UGT1A8: variants seen among roughly 807,000 people sequenced by gnomAD.
UGT1A8 encodes UDP-glucuronosyltransferase 1A8.
A neutral mutation model predicts 45.3 loss-of-function variants in UGT1A8; 39 were observed. The ratio of observed to expected loss-of-function variants is 0.86; its 90% confidence interval spans 0.67 to 1.12. The LOEUF is 1.12. Ranked by LOEUF, UGT1A8 falls within the 50% of genes most tolerant of loss-of-function variation. The pLI is 0.00. For synonymous variants in UGT1A8, 275 were observed against 249.2 expected, an observed-to-expected ratio of 1.10 and a Z score of -0.97; for missense variants, 719 against 664.9, an observed-to-expected ratio of 1.08 and a Z score of -0.90.
chr2:233,618,312 C>G lies in UGT1A8; in HGVS notation c.605C>G (p.Thr202Ser). Residue 202 changes from threonine to serine, a missense_variant, in exon 1 of 5, where the codon ACT becomes AGT. By Grantham distance (58) the Thr-to-Ser change is moderately conservative. Coordinates refer to ENST00000373450, the MANE Select transcript of UGT1A8 (RefSeq NM_019076.5). ...CTCTTAGGGTTCTCAGATGCCATGA[C>G]TTTCAAGGAGAGAGTACGGAACCAC... ...RILLGFSDAM[T>S]FKERVRNHIM... 6.2e-7 allele frequency: 1 copy of G among 1,613,868 alleles called. No individual in the cohort carries two copies. The highest frequency in any genetic ancestry group is 8.5e-7 in the Non-Finnish European group (1 of 1,179,798).
At chr2:233,620,271 T>C (rs2072977190) in intron 1 of UGT1A8, among the ~76,000 whole-genome samples, 3 of 152,210 alleles carry the variant, frequency 2.0e-5, no homozygotes, top group Non-Finnish European at 4.4e-5. Context: ...GGTGAAGAGA[T>C]GCAAGTTGCA....
At chr2:233,727,715 G>T (rs2125728496) in intron 1 of UGT1A8, among the ~76,000 whole-genome samples, 1 of 152,312 alleles carries the variant, frequency 6.6e-6, no homozygotes, top group African/African-American at 2.4e-5. Context: ...CAAAGCCCTT[G>T]CAGACCTTCC....
At position 233,769,420 on chromosome 2, in the gene UGT1A8, T is replaced by C; in HGVS notation, c.1295+981T>C. 1 of 1,459,970 alleles carries C rather than the reference T, an allele frequency of 6.8e-7. No homozygotes were observed. The highest frequency in any genetic ancestry group is 1.8e-4 in the Middle Eastern group (1 of 5,568). 90.4% of individuals were successfully genotyped at this position (1,459,970 alleles called of 1,614,324 possible). ...GCATATGTGCGTGTGCGTTTGTGCA[T>C]GTGGCTGTGCTCATGTGTGGGTGCA... is the stretch of plus-strand genomic sequence containing the variant. On this transcript the variant is annotated intron_variant, in intron 4 of 4. Coordinates refer to ENST00000373450, the MANE Select transcript of UGT1A8 (RefSeq NM_019076.5). This position sits in a 1 kb window ranked among gnomAD's most constrained non-coding sequence, Gnocchi z 4.4.
chr2:233,622,542 C>A (rs986218423), intron 1 of UGT1A8, among the ~76,000 whole-genome samples: 1 of 151,986 alleles, frequency 6.6e-6, no homozygotes, highest in Non-Finnish European at 1.5e-5. Flanking sequence ...TTGAGAAGTG[C>A]CTGTTCATAT....
At position 233,718,809 on chromosome 2, in the gene UGT1A8, G is replaced by T. The variant is rs747487357; in HGVS notation, c.856-48225G>T. The T allele has an allele frequency of 3.7e-5, 60 of 1,613,336 alleles. 1 individual carries two copies. The highest frequency in any genetic ancestry group is 1.5e-4 in the African/African-American group (11 of 75,040). On this transcript the variant is annotated intron_variant, in intron 1 of 4. Transcript: ENST00000373450. ...TGGGGTGGACAGTCAGCTGTCGGTG[G>T]CTTCTGCTGAGATGGCCAGAGGACT...
chr2:233,731,432 C>T (rs2078159298), intron 1 of UGT1A8, among the ~76,000 whole-genome samples: 1 of 152,116 alleles, frequency 6.6e-6, no homozygotes, highest in Non-Finnish European at 1.5e-5. Flanking sequence ...CCATCCCTCC[C>T]CCAGTCCCCC....
At chr2:233,665,060 T>C (rs1016523769) in intron 1 of UGT1A8, among the ~76,000 whole-genome samples, 1 of 152,234 alleles carries the variant, frequency 6.6e-6, no homozygotes, top group African/African-American at 2.4e-5. Context: ...GAAATTATTT[T>C]ATGCATATGC....
In UGT1A8 at chr2:233,704,113, A is replaced by T. The variant is rs1013421072; in HGVS notation, c.856-62921A>T. 1.2e-4 allele frequency among the ~76,000 whole-genome samples: 18 copies of T among 149,824 alleles called. 1 individual carries two copies. On this transcript the variant is annotated intron_variant, in intron 1 of 4. Transcript: ENST00000373450. ...GCCATGTTGGTCAGTCTGGTCTCAA[A>T]CTCCTTACCTCAAGTGATCCACCCG... is the stretch of plus-strand genomic sequence containing the variant.
rs1389951829 is a variant in UGT1A8 at position 233,685,797 on chromosome 2, G to GT, written c.855+67237dup. ...TTTGTTTTAAAGAAAATCTTGGCAT[G>GT]TTGTCTCATCACGAAATACTTCACT... On this transcript the variant is annotated intron_variant, in intron 1 of 4. Coordinates refer to ENST00000373450, the MANE Select transcript of UGT1A8 (RefSeq NM_019076.5). 3.3e-5 allele frequency among the ~76,000 whole-genome samples: 5 copies of GT among 152,240 alleles called. No homozygotes were observed. In the South Asian group the frequency reaches 1.0e-3, roughly 32 times the overall value.
At chr2:233,728,766 G>T (rs1264668797) in intron 1 of UGT1A8, among the ~76,000 whole-genome samples, 1 of 152,192 alleles carries the variant, frequency 6.6e-6, no homozygotes, top group East Asian at 1.9e-4. Context: ...TCAGACCTCA[G>T]CTGCTGCCTG....
intron 1 of UGT1A8, among the ~76,000 whole-genome samples, chr2:233,676,487 G>T (rs986266023): frequency 5.3e-5 from 8 of 152,174 alleles, no homozygotes; most frequent in Non-Finnish European, 5.9e-5. Flanking sequence ...GACGCATAAT[G>T]ATGAGCTAAA....
intron 1 of UGT1A8, among the ~76,000 whole-genome samples, chr2:233,620,569 A>G (rs1299689349): frequency 6.6e-6 from 1 of 152,200 alleles, no homozygotes; most frequent in Non-Finnish European, 1.5e-5. Flanking sequence ...TTGATTATAA[A>G]TCTTTTATGA....
intron 1 of UGT1A8, chr2:233,718,823 G>A (rs1052666915): frequency 1.2e-6 from 2 of 1,613,376 alleles, no homozygotes; most frequent in African/African-American, 2.7e-5. Context: ...CTGCTGAGAT[G>A]GCCAGAGGAC....
At chr2:233,676,716 T>G (rs2074369037) in intron 1 of UGT1A8, among the ~76,000 whole-genome samples, 2 of 152,218 alleles carry the variant, frequency 1.3e-5, no homozygotes, top group South Asian at 4.1e-4. Flanking sequence ...AATGTCAGTG[T>G]GTGTTTTGCC....
At chr2:233,733,959 G>A (rs561727271) in intron 1 of UGT1A8, among the ~76,000 whole-genome samples, 43 of 152,168 alleles carry the variant, frequency 2.8e-4, no homozygotes, top group African/African-American at 9.4e-4. Context: ...CCTGTTGTGG[G>A]GTAGGGGGAG....
intron 1 of UGT1A8, chr2:233,755,353 G>T: frequency 2.6e-6 from 1 of 385,860 alleles, no homozygotes; most frequent in Non-Finnish European, 4.8e-6. Context: ...GAGGCTTGGC[G>T]ACCTGGGCCG....
At chr2:233,756,352 C>G (rs1022933251) in intron 1 of UGT1A8, 1 of 152,152 alleles carries the variant, frequency 6.6e-6, no homozygotes, top group African/African-American at 2.4e-5. Flanking sequence ...ATTACTTTTA[C>G]CTAATAAATG....
intron 1 of UGT1A8, among the ~76,000 whole-genome samples, chr2:233,704,300 A>G (rs2075779861): frequency 6.8e-6 from 1 of 146,016 alleles, no homozygotes; most frequent in Non-Finnish European, 1.5e-5. Flanking sequence ...CTAGTGCAAC[A>G]TGTAAAATCC....
At chr2:233,662,610 T>C (rs940024472) in intron 1 of UGT1A8, among the ~76,000 whole-genome samples, 1 of 152,212 alleles carries the variant, frequency 6.6e-6, no homozygotes, top group Non-Finnish European at 1.5e-5. Context: ...CAGATCTGGA[T>C]ATTTTAAATT....
Sources: allele counts gnomAD v4.1 joint callset (sites outside exome capture counted in the v4.1 genomes callset), GRCh38; gene constraint gnomAD v4.1.1; non-coding constraint Gnocchi (gnomAD v3.1); transcripts MANE v1.5; gene names NCBI Gene and HGNC (gene_info 2026-07-23, HGNC 2026-07-21).